GLIS1: variants seen among roughly 807,000 people sequenced by gnomAD.
GLIS1 encodes the protein zinc finger protein GLIS1.
Under a neutral mutation model 63.8 loss-of-function variants are expected in GLIS1, and 24 were observed. The observed-to-expected ratio is 0.38, with a 90% CI of 0.27 to 0.53. GLIS1 has a LOEUF of 0.53. Among genes scored for constraint, GLIS1 ranks in the 20% least tolerant of loss-of-function variants. The pLI, the probability that GLIS1 is intolerant of heterozygous loss-of-function variation, is 0.85. For missense variants in GLIS1, 1,036 were observed against 1,074.1 expected, an observed-to-expected ratio of 0.96 and a Z score of 0.50; for synonymous variants, 450 against 482.5, an observed-to-expected ratio of 0.93 and a Z score of 0.88.
At chr1:53,509,817 T>C in intron 9 of GLIS1, 32 bp downstream of exon 9, 1 of 1,257,142 alleles carries the variant, frequency 8.0e-7, no homozygotes, top group Non-Finnish European at 1.0e-6. Flanking sequence ...AATTGGGGGG[T>C]TATACGGAGC....
intron 4 of GLIS1, among the ~76,000 whole-genome samples, chr1:53,564,326 T>C (rs1644917065): frequency 6.6e-6 from 1 of 152,098 alleles, no homozygotes; most frequent in Non-Finnish European, 1.5e-5. Flanking sequence ...AAGGAATTAA[T>C]CAATTTTATT....
At chr1:53,654,436 C>G (rs1048077989) in intron 2 of GLIS1, among the ~76,000 whole-genome samples, 4 of 152,112 alleles carry the variant, frequency 2.6e-5, no homozygotes, top group Non-Finnish European at 5.9e-5. Flanking sequence ...CCTGGGTGTC[C>G]ACATGGAGAC....
chr1:53,595,050 A>C, intron 3 of GLIS1, 60 bp from the exon 4 acceptor site: 1 of 1,354,484 alleles, frequency 7.4e-7, no homozygotes, highest in Non-Finnish European at 9.5e-7. Flanking sequence ...GGGAAGGCTC[A>C]GGTGGGGGCA....
Position 53,738,061 on chromosome 1 carries a change from G to C in GLIS1, c.4C>G (p.His2Asp), listed in dbSNP as rs1455260587. ...GAGTGTGCCTCAGCCACCTCGCAAT[G>C]CATGGCGCCGGGGCGGGGCGCACGG... M[H>D]CEVAEAHSDK... The change falls in exon 2 of 11, where the codon CAT (histidine) becomes GAT (aspartate). Residue 2 changes from histidine to aspartate, a missense_variant. By Grantham distance (81) the His-to-Asp change is moderately conservative (BLOSUM62 -1). Coordinates refer to ENST00000628545, the MANE Select transcript of GLIS1 (RefSeq NM_001367484.1). The C allele has an allele frequency of 1.6e-6, 2 of 1,230,470 alleles. No homozygotes were observed. The highest frequency in any genetic ancestry group is 2.0e-6 in the Non-Finnish European group (2 of 987,104). The allele number at this position is 1,230,470 out of a possible 1,614,324, so 76.2% of individuals were successfully genotyped here. A position where few individuals can be genotyped will look rare whatever the true frequency, so the allele number is the denominator to read the frequency against.
chr1:53,708,067 G>A (rs1646599186), intron 2 of GLIS1, among the ~76,000 whole-genome samples: 1 of 152,018 alleles, frequency 6.6e-6, no homozygotes, highest in Non-Finnish European at 1.5e-5. Context: ...CAGATCACAA[G>A]GTCAGGAGAT....
intron 4 of GLIS1, among the ~76,000 whole-genome samples, chr1:53,576,550 C>T (rs535455165): frequency 1.1e-3 from 167 of 152,264 alleles, no homozygotes; most frequent in African/African-American, 3.8e-3. Flanking sequence ...CACTGGGCCT[C>T]TCTGGCCCCC....
intron 2 of GLIS1, among the ~76,000 whole-genome samples, chr1:53,642,283 C>T (rs1645795367): frequency 6.6e-6 from 1 of 152,226 alleles, no homozygotes. Context: ...AATCTGGGAT[C>T]AGGGGAGCTG....
chr1:53,705,429 T>A (rs918514200), intron 2 of GLIS1, among the ~76,000 whole-genome samples: 1 of 152,188 alleles, frequency 6.6e-6, no homozygotes, highest in Non-Finnish European at 1.5e-5. Flanking sequence ...AGAAAGTCAA[T>A]GTTGCCAAAA....
chr1:53,704,449 A>C (rs1173593), intron 2 of GLIS1, among the ~76,000 whole-genome samples: 140,913 of 152,282 alleles, frequency 0.93, 65,355 homozygotes, highest in Admixed American at 0.96. Flanking sequence ...CCAGTCCCTG[A>C]CCTCAGGGGG....
intron 2 of GLIS1, among the ~76,000 whole-genome samples, chr1:53,718,437 C>G (rs918402706): frequency 1.3e-5 from 2 of 152,016 alleles, no homozygotes; most frequent in Non-Finnish European, 2.9e-5. Context: ...GGAATGGTAA[C>G]AGCCCCATAT....
chr1:53,630,134 ATATC>A (rs1298045925), intron 2 of GLIS1, among the ~76,000 whole-genome samples: 2 of 152,236 alleles, frequency 1.3e-5, no homozygotes, highest in African/African-American at 4.8e-5. Flanking sequence ...GTTACACTAA[ATATC>A]AAATCATGAG....
intron 2 of GLIS1, among the ~76,000 whole-genome samples, chr1:53,688,343 G>A (rs542616728): frequency 3.9e-5 from 6 of 152,206 alleles, no homozygotes; most frequent in Non-Finnish European, 7.3e-5. Flanking sequence ...GGTAGAGGTG[G>A]GGAAAGGGGA....
At chr1:53,632,549 ACATGTGAATGAGTGTGACTGAGGGG>A (rs1486322785) in intron 2 of GLIS1, among the ~76,000 whole-genome samples, 3 of 118,928 alleles carry the variant, frequency 2.5e-5, no homozygotes, top group East Asian at 2.8e-4. Flanking sequence ...TGACTGAGGG[ACATGTGAATGAGTGTGACTGAGGGG>A]CATGTGAATG....
chr1:53,710,955 C>T (rs998554144), intron 2 of GLIS1, among the ~76,000 whole-genome samples: 3 of 151,270 alleles, frequency 2.0e-5, no homozygotes, highest in Admixed American at 6.6e-5. Context: ...CAGCCCCTCC[C>T]CCAACAGAAC....
chr1:53,560,552 G>A lies in GLIS1; in HGVS notation c.1321-30600C>T, dbSNP rs556398. Among the ~76,000 whole-genome samples the A allele has an allele frequency of 0.013, 2,019 of 152,334 alleles. 49 individuals carry two copies. Among genetic ancestry groups the A allele is most frequent in the African/African-American group, 0.046 (1,908 of 41,562 alleles). ...TCCAGGGAGAGTGGAGGCTGTGGTCGGGAGGGCAGAGCGGGCTATAGGTGA... is the reference window on the plus strand; with the variant it reads ...TCCAGGGAGAGTGGAGGCTGTGGTCAGGAGGGCAGAGCGGGCTATAGGTGA... On this transcript the variant is annotated intron_variant, in intron 4 of 10. Transcript: ENST00000628545. The surrounding 1 kb of genome is among the most constrained non-coding windows in gnomAD (Gnocchi z 4.4).
chr1:53,525,755 C>G (rs1381007005), intron 5 of GLIS1, among the ~76,000 whole-genome samples: 1 of 151,960 alleles, frequency 6.6e-6, no homozygotes, highest in Non-Finnish European at 1.5e-5. Context: ...GCACCGCAGG[C>G]CCTACACCTC....
Position 53,602,271 on chromosome 1 carries a change from G to T in GLIS1, c.260-1993C>A, listed in dbSNP as rs573526452. On this transcript the variant is annotated intron_variant, in intron 2 of 10. Coordinates refer to ENST00000628545, the MANE Select transcript of GLIS1 (RefSeq NM_001367484.1). ...AGCAGGCTGCCGCTCATTTAACTCC[G>T]TCTCTGCTTGGCCGTCTTTGCCTTT... 3.3e-5 allele frequency among the ~76,000 whole-genome samples: 5 copies of T among 152,246 alleles called. No individual in the cohort carries two copies. In the South Asian group the frequency reaches 1.0e-3, roughly 32 times the overall value.
At chr1:53,691,551 C>T (rs1004218378) in intron 2 of GLIS1, among the ~76,000 whole-genome samples, 11 of 152,114 alleles carry the variant, frequency 7.2e-5, no homozygotes, top group Non-Finnish European at 1.2e-4. Context: ...TGCTCTCCCA[C>T]GTCCATGAGC....
rs114144124 is a variant in GLIS1 at position 53,603,265 on chromosome 1, C to T, written c.260-2987G>A. On this transcript the variant is annotated intron_variant, in intron 2 of 10. Coordinates refer to ENST00000628545, the MANE Select transcript of GLIS1 (RefSeq NM_001367484.1). ...CCCTTGTCTGCTGGGACCCTCACAG[C>T]GCTCTGGGTGGAAACATCAACCTCC... is the stretch of plus-strand genomic sequence containing the variant. Among the ~76,000 whole-genome samples, 450 of 152,264 alleles carry T rather than the reference C, an allele frequency of 3.0e-3. 1 individual carries two copies. Among genetic ancestry groups the T allele is most frequent in the African/African-American group, 0.01 (429 of 41,548 alleles).
Sources: gnomAD v4.1 joint callset for allele counts (sites outside exome capture counted in the v4.1 genomes callset) on GRCh38, gnomAD v4.1.1 for gene constraint, Gnocchi (gnomAD v3.1) non-coding constraint, MANE v1.5 for transcripts, NCBI Gene and HGNC (gene_info 2026-07-23, HGNC 2026-07-21) for gene names.